Variants in TBC1D17 observed in about 807,000 individuals in gnomAD.
The protein encoded by TBC1D17 is TBC1 domain family member 17, also known as TBC1 domain family, member 17.
TBC1D17 carries 69 observed loss-of-function variants against 78.8 expected under a neutral mutation model. That is an observed-to-expected ratio of 0.88 (90% CI 0.72 to 1.07). The LOEUF (loss-of-function observed/expected upper bound fraction) is 1.07. TBC1D17 is among the 50% of genes least tolerant of loss of function. The probability of loss-of-function intolerance (pLI) is 0.00; values close to 1 mark genes in which losing one functional copy is unlikely to be tolerated. For missense variants in TBC1D17, 957 were observed against 861.0 expected, an observed-to-expected ratio of 1.11 and a Z score of -1.39; for synonymous variants, 456 against 358.3, an observed-to-expected ratio of 1.27 and a Z score of -3.08.
At position 49,882,858 on chromosome 19, in the gene TBC1D17, A is replaced by G. The variant is rs1448559827; in HGVS notation, c.893A>G (p.Gln298Arg). The change falls in exon 8 of 17, where the codon CAG (glutamine) becomes CGG (arginine). Residue 298 changes from glutamine (Q) to arginine (R), a missense_variant. Gln to Arg is a conservative substitution (Grantham distance 43). Coordinates refer to ENST00000221543, the MANE Select transcript of TBC1D17 (RefSeq NM_024682.3). ...GTGGGCCCTGAAGGTCGCCTGCAGC[A>G]GGTCCCTGAGCTGAAGAACCGGATC... ...RHVGPEGRLQQVPELKNRIFS... is the reference protein window; with the variant it reads ...RHVGPEGRLQRVPELKNRIFS... The G allele has an allele frequency of 6.2e-7, 1 of 1,610,594 alleles. No homozygotes were observed. The highest frequency in any genetic ancestry group is 8.5e-7 in the Non-Finnish European group (1 of 1,179,018).
At chr19:49,886,257 AAAAAAAG>A (rs2075057795) in intron 13 of TBC1D17, among the ~76,000 whole-genome samples, 1 of 152,218 alleles carries the variant, frequency 6.6e-6, no homozygotes, top group African/African-American at 2.4e-5. Flanking sequence ...TTTGTCTCAA[AAAAAAAG>A]AAAAAAGAAA....
At position 49,883,058 on chromosome 19, in the gene TBC1D17, C is replaced by T. The variant is rs1336100233; in HGVS notation, c.1013C>T (p.Ala338Val). 3 of 1,608,642 alleles carry T rather than the reference C, an allele frequency of 1.9e-6. No individual in the cohort carries two copies. Among genetic ancestry groups the T allele is most frequent in the Non-Finnish European group, 2.5e-6 (3 of 1,177,242 alleles). ...GAAGGCACAGCTGAGGAGCACAAGG[C>T]CCACATACGCAAGAAAACGTGAGTT... is the stretch of plus-strand genomic sequence containing the variant. Reference protein sequence around the residue: ...SWEGTAEEHKAHIRKKTDEYF... With the variant: ...SWEGTAEEHKVHIRKKTDEYF... The change falls in exon 9 of 17, where the codon GCC becomes GTC. Residue 338 changes from alanine (A) to valine (V), a missense_variant. Coordinates refer to ENST00000221543, the MANE Select transcript of TBC1D17 (RefSeq NM_024682.3).
intron 3 of TBC1D17, among the ~76,000 whole-genome samples, chr19:49,880,078 G>A (rs933680879): frequency 1.3e-5 from 2 of 151,846 alleles, no homozygotes; most frequent in East Asian, 1.9e-4. Flanking sequence ...GGCTGGTCTC[G>A]AACTCCCGAC....
In TBC1D17 at chr19:49,888,460, GC is replaced by G; in HGVS notation, c.1787del (p.Pro596ArgfsTer66). 3 of 1,598,298 alleles carry G rather than the reference GC, an allele frequency of 1.9e-6. No homozygotes were observed. The highest frequency in any genetic ancestry group is 1.1e-5 in the South Asian group (1 of 89,672). On this transcript the variant is annotated frameshift_variant, in exon 17 of 17. Transcript: ENST00000221543. LOFTEE classifies it low-confidence loss of function (END_TRUNC). ...CAACGTGCAGGAGATCCTGGGGCTG[GC>G]CCCGCCCGCAGAGCCCCACAGCCCC... ...PHNVQEILGLAPPAEPHSPSP... is the reference protein window; with the variant it reads ...PHNVQEILGLXPPAEPHSPSP...
intron 3 of TBC1D17, 45 bp from the exon 4 acceptor site, chr19:49,880,234 T>G: frequency 1.2e-6 from 2 of 1,608,486 alleles, no homozygotes; most frequent in Non-Finnish European, 1.7e-6. Flanking sequence ...GAGGCTAAGA[T>G]CTGAATCCAT....
In TBC1D17 at chr19:49,883,084, C is replaced by T. The variant is rs2075030279; in HGVS notation, c.1031+8C>T. ...CCACATACGCAAGAAAACGTGAGTT[C>T]TCAGGAGGCCCTGCCCTGCCAGGCA... On this transcript the variant is annotated splice_region_variant and intron_variant, in intron 9 of 16. Transcript: ENST00000221543. The T allele has an allele frequency of 5.6e-6, 9 of 1,596,458 alleles. No homozygotes were observed. In the African/African-American group the frequency reaches 1.1e-4, roughly 19 times the overall value.
chr19:49,882,026 CCTCCCGCCTCCCAGCTCCCCGCAGGA>C lies in TBC1D17; in HGVS notation c.528-4_549del, dbSNP rs754639910. 86 of 1,608,544 alleles carry C rather than the reference CCTCCCGCCTCCCAGCTCCCCGCAGGA, an allele frequency of 5.3e-5. No homozygotes were observed. The highest frequency in any genetic ancestry group is 1.0e-4 in the Admixed American group (6 of 59,990). On this transcript the variant is annotated splice_acceptor_variant and splice_polypyrimidine_tract_variant and coding_sequence_variant and intron_variant, in exon 6 of 17. Transcript: ENST00000221543. LOFTEE classifies it high-confidence loss of function. ...CTACCTGTGCATCACCTGTGCGTCA[CCTCCCGCCTCCCAGCTCCCCGCAGGA>C]CTCCCGCCTCTACCTTGTCTTCCCC...
In TBC1D17 at chr19:49,881,448, T is replaced by A; in HGVS notation, c.500T>A (p.Val167Asp). The A allele has an allele frequency of 6.2e-7, 1 of 1,610,672 alleles. No homozygotes were observed. Among genetic ancestry groups the A allele is most frequent in the Non-Finnish European group, 8.5e-7 (1 of 1,179,830 alleles). Reference protein sequence around the residue: ...HRGGTRALLRVLSRYLLLASS... With the variant: ...HRGGTRALLRDLSRYLLLASS... ...GGGGGCACCCGCGCCCTGCTCCGCGTCCTCAGCCGCTACCTGCTGTTGGCC... is the reference window on the plus strand; with the variant it reads ...GGGGGCACCCGCGCCCTGCTCCGCGACCTCAGCCGCTACCTGCTGTTGGCC... Residue 167 changes from valine to aspartate, a missense_variant, in exon 5 of 17, where the codon GTC (valine) becomes GAC (aspartate). Physicochemically the swap from Val to Asp is radical, Grantham distance 152. Transcript: ENST00000221543.
At chr19:49,885,958 G>A (rs1408292392) in intron 13 of TBC1D17, among the ~76,000 whole-genome samples, 15 of 131,930 alleles carry the variant, frequency 1.1e-4, no homozygotes, top group Non-Finnish European at 1.6e-5. Context: ...CTGGGCAACA[G>A]AGTGAGACCT....
At chr19:49,878,728 C>G in intron 3 of TBC1D17, 156 bp downstream of exon 3, 1 of 668,052 alleles carries the variant, frequency 1.5e-6, no homozygotes, top group Non-Finnish European at 2.6e-6. Context: ...TTTTGCTCCT[C>G]TCTGTGAAAT....
At chr19:49,877,997 G>C in intron 1 of TBC1D17, 146 bp from the exon 2 acceptor site, 1 of 777,730 alleles carries the variant, frequency 1.3e-6, no homozygotes, top group Non-Finnish European at 2.0e-6. Context: ...ACGCGGGCTG[G>C]ACCATTCTCC....
At chr19:49,882,437 C>T (rs754506054) in intron 7 of TBC1D17, 37 bp downstream of exon 7, 31 of 1,580,234 alleles carry the variant, frequency 2.0e-5, no homozygotes, top group East Asian at 6.8e-5. Flanking sequence ...TATTTCTGGC[C>T]GTGTCTCCCT....
intron 9 of TBC1D17, 148 bp downstream of exon 9, chr19:49,883,224 A>G: frequency 1.5e-6 from 1 of 670,812 alleles, no homozygotes; most frequent in East Asian, 2.8e-5. Context: ...ATCAAGCCAG[A>G]CCCATCCTCA....
Position 49,884,296 on chromosome 19 carries a change from G to A in TBC1D17, c.1170G>A (p.Glu390=). The part of the protein sequence containing the change: ...SRTDRTNKFY[E]GPENPGLGLL... ...CTGACAGGACCAACAAGTTCTACGA[G>A]GGTCCCGAGAACCCGGGGCTGGGCC... Residue 390 remains glutamate (E), a synonymous_variant, in exon 11 of 17, where the codon GAG becomes GAA. Transcript: ENST00000221543. 14 of 1,614,002 alleles carry A rather than the reference G, an allele frequency of 8.7e-6. No individual in the cohort carries two copies. Among genetic ancestry groups the A allele is most frequent in the Non-Finnish European group, 1.1e-5 (13 of 1,180,024 alleles).
intron 5 of TBC1D17, among the ~76,000 whole-genome samples, chr19:49,881,736 C>T (rs1017749326): frequency 6.6e-6 from 1 of 152,182 alleles, no homozygotes; most frequent in Non-Finnish European, 1.5e-5. Flanking sequence ...CTTAACAACC[C>T]GGCTGGATAG....
Position 49,883,025 on chromosome 19 carries a change from T to C in TBC1D17, c.980T>C (p.Leu327Pro). ...REAWKFLLGY[L>P]SWEGTAEEHK... ...GCCTGGAAGTTCCTCCTAGGGTACC[T>C]CAGCTGGGAAGGCACAGCTGAGGAG... The change falls in exon 9 of 17, where the codon CTC becomes CCC. Residue 327 changes from leucine to proline, a missense_variant. Coordinates refer to ENST00000221543, the MANE Select transcript of TBC1D17 (RefSeq NM_024682.3). 1 of 1,611,204 alleles carries C rather than the reference T, an allele frequency of 6.2e-7. No individual in the cohort carries two copies.
chr19:49,877,904 G>C, intron 1 of TBC1D17, 160 bp downstream of exon 1: 1 of 930,082 alleles, frequency 1.1e-6, no homozygotes, highest in Non-Finnish European at 1.6e-6. Flanking sequence ...ACCGCCCCAG[G>C]GAAGAACCTC....
rs1020623230 is a variant in TBC1D17, at chr19:49,888,255, C to G, written c.1684C>G (p.Leu562Val). 1 of 1,592,724 alleles carries G rather than the reference C, an allele frequency of 6.3e-7. No individual in the cohort carries two copies. The highest frequency in any genetic ancestry group is 1.7e-5 in the Admixed American group (1 of 57,650). ...GCACATCAACGAGCTGACTATGAAG[C>G]TGAGCGTGGAGGACGTGCTGACCCG... ...LKHINELTMK[L>V]SVEDVLTRAE... Residue 562 changes from leucine to valine, a missense_variant, in exon 16 of 17, where the codon CTG becomes GTG. Coordinates refer to ENST00000221543, the MANE Select transcript of TBC1D17 (RefSeq NM_024682.3).
At chr19:49,880,147 C>G in intron 3 of TBC1D17, 132 bp from the exon 4 acceptor site, 13 of 1,190,214 alleles carry the variant, frequency 1.1e-5, no homozygotes, top group Non-Finnish European at 1.5e-5. Flanking sequence ...CGTGAGCCAC[C>G]GCACCCGGCC....
Sources: allele counts gnomAD v4.1 joint callset (sites outside exome capture counted in the v4.1 genomes callset), GRCh38; gene constraint gnomAD v4.1.1; transcripts MANE v1.5; gene names NCBI Gene and HGNC (gene_info 2026-07-23, HGNC 2026-07-21).